The following UBE2K variants were observed in gnomAD, a reference collection of about 807,000 sequenced individuals.
The protein encoded by UBE2K is ubiquitin conjugating enzyme E2 K, also known as ubiquitin-conjugating enzyme E2 K.
A neutral mutation model predicts 30.0 loss-of-function variants in UBE2K; 6 were observed. That is an observed-to-expected ratio of 0.20 (90% CI 0.11 to 0.39). The LOEUF (loss-of-function observed/expected upper bound fraction) is 0.39. UBE2K is among the 10% of genes least tolerant of loss of function. UBE2K has a pLI of 1.00. For missense variants in UBE2K, 61 were observed against 241.6 expected (o/e 0.25, Z 4.96); for synonymous variants, 86 against 83.7 (o/e 1.03, Z -0.15).
rs1003717320 is a variant in UBE2K, at chr4:39,772,448, A to C, written c.300-2386A>C. Among the ~76,000 whole-genome samples, 7 of 150,916 alleles carry C rather than the reference A, an allele frequency of 4.6e-5. 1 individual carries two copies. Among genetic ancestry groups the C allele is most frequent in the Admixed American group, 6.6e-5 (1 of 15,164 alleles). On this transcript the variant is annotated intron_variant, in intron 4 of 6. Coordinates refer to ENST00000261427, the MANE Select transcript of UBE2K (RefSeq NM_005339.5). The stretch of plus-strand genomic sequence containing the variant: ...TAATTAGCTGGGCGTGGTGGTGTGC[A>C]CCTGTAGTCCCAGCTACTCAGGAGG...
intron 1 of UBE2K, among the ~76,000 whole-genome samples, chr4:39,712,981 T>C (rs1282958310): frequency 6.6e-6 from 1 of 151,980 alleles, no homozygotes; most frequent in Non-Finnish European, 1.5e-5. Context: ...TTGTCCTGCC[T>C]CAGCCTGCCA....
Position 39,757,022 on chromosome 4 carries a change from T to G in UBE2K, c.299+1283T>G, listed in dbSNP as rs1467952044. 8.4e-4 allele frequency among the ~76,000 whole-genome samples: 83 copies of G among 99,242 alleles called. 7 individuals carry two copies. The highest frequency in any genetic ancestry group is 3.3e-3 in the African/African-American group (75 of 22,992). The allele number at this position is 99,242 out of a possible 152,430, so 65.1% of individuals were successfully genotyped here. On this transcript the variant is annotated intron_variant, in intron 4 of 6. Transcript: ENST00000261427. The stretch of plus-strand genomic sequence containing the variant: ...GGTGTTTTTTTTTTGTTTTTTGTTT[T>G]TTGTTTTTTGTTTTTTTTTTGAGAC...
intron 4 of UBE2K, among the ~76,000 whole-genome samples, chr4:39,765,095 C>G (rs544820104): frequency 4.6e-5 from 7 of 152,100 alleles, no homozygotes; most frequent in Admixed American, 2.6e-4. Flanking sequence ...CCGTGTTAGC[C>G]AGGATGGTCT....
At chr4:39,728,819 T>C (rs573760639) in intron 1 of UBE2K, among the ~76,000 whole-genome samples, 1 of 120,184 alleles carries the variant, frequency 8.3e-6, no homozygotes, top group African/African-American at 2.8e-5. Context: ...GTTTTTTTTG[T>C]TTTTTTTGTT....
At chr4:39,725,324 G>A (rs1719684513) in intron 1 of UBE2K, among the ~76,000 whole-genome samples, 1 of 138,970 alleles carries the variant, frequency 7.2e-6, no homozygotes, top group Non-Finnish European at 1.5e-5. Context: ...TTTGCAGTGA[G>A]CCATGATCAT....
intron 2 of UBE2K, among the ~76,000 whole-genome samples, chr4:39,745,316 C>T (rs1720934678): frequency 6.6e-6 from 1 of 152,154 alleles, no homozygotes; most frequent in Non-Finnish European, 1.5e-5. Context: ...TTGTTTATGG[C>T]ATAATCTCTG....
rs116823555 is a variant in UBE2K at position 39,754,820 on chromosome 4, T to C, written c.217-837T>C. Among the ~76,000 whole-genome samples, 1,144 of 152,310 alleles carry C rather than the reference T, an allele frequency of 7.5e-3. 14 individuals are homozygous for C. The highest frequency in any genetic ancestry group is 0.026 in the African/African-American group (1,083 of 41,560). On this transcript the variant is annotated intron_variant, in intron 3 of 6. Coordinates refer to ENST00000261427, the MANE Select transcript of UBE2K (RefSeq NM_005339.5). ...TAATTTTTGTGAAGTTCTTAGAACATTAATTGGCACATAGTAATTAATCTA... is the reference window on the plus strand; with the variant it reads ...TAATTTTTGTGAAGTTCTTAGAACACTAATTGGCACATAGTAATTAATCTA...
intron 4 of UBE2K, among the ~76,000 whole-genome samples, chr4:39,758,285 C>T (rs28529766): frequency 0.019 from 2,867 of 152,278 alleles, 101 homozygotes; most frequent in African/African-American, 0.065. Context: ...CTTTTCCAAA[C>T]GGATTACCTC....
chr4:39,741,540 G>A (rs551673889), intron 2 of UBE2K, among the ~76,000 whole-genome samples: 3 of 152,292 alleles, frequency 2.0e-5, no homozygotes, highest in African/African-American at 7.2e-5. Context: ...AAACTTAAAT[G>A]CTAAAGCAAA....
intron 4 of UBE2K, among the ~76,000 whole-genome samples, chr4:39,765,908 T>TATAC (rs146565301): frequency 0.41 from 61,409 of 149,572 alleles, 12,793 homozygotes; most frequent in Admixed American, 0.51. Flanking sequence ...AGGATATATA[T>TATAC]ATACATACAT....
At chr4:39,760,820 C>G (rs569030695) in intron 4 of UBE2K, among the ~76,000 whole-genome samples, 1 of 151,782 alleles carries the variant, frequency 6.6e-6, no homozygotes, top group East Asian at 1.9e-4. Flanking sequence ...TAAAAAAATA[C>G]GATAGTGGTG....
At chr4:39,719,161 T>G (rs562068019) in intron 1 of UBE2K, among the ~76,000 whole-genome samples, 1 of 152,346 alleles carries the variant, frequency 6.6e-6, no homozygotes, top group South Asian at 2.1e-4. Context: ...CCCTCAAACC[T>G]TCAGCAATAC....
chr4:39,699,047 T>A (rs914988435), intron 1 of UBE2K, among the ~76,000 whole-genome samples: 1 of 152,180 alleles, frequency 6.6e-6, no homozygotes, highest in African/African-American at 2.4e-5. Flanking sequence ...AAGATAATTA[T>A]CTCTTTTCCA....
intron 4 of UBE2K, among the ~76,000 whole-genome samples, chr4:39,768,853 G>T (rs554955209): frequency 6.4e-4 from 97 of 152,080 alleles, no homozygotes; most frequent in African/African-American, 2.3e-3. Flanking sequence ...TCTCATTTTG[G>T]TTTGTTTTTT....
intron 4 of UBE2K, among the ~76,000 whole-genome samples, chr4:39,760,190 A>C (rs1285521782): frequency 1.4e-5 from 1 of 71,108 alleles, no homozygotes; most frequent in East Asian, 6.4e-4. Flanking sequence ...AAAAAAAAAA[A>C]AACAGAAAAA....
At chr4:39,737,223 C>T (rs987411307) in intron 1 of UBE2K, among the ~76,000 whole-genome samples, 197 bp from the exon 2 acceptor site, 3 of 152,080 alleles carry the variant, frequency 2.0e-5, no homozygotes, top group African/African-American at 4.8e-5. Flanking sequence ...TCGTTTAAAA[C>T]AATGAAGTTA....
chr4:39,777,233 A>G (rs1291507001), intron 5 of UBE2K, among the ~76,000 whole-genome samples: 1 of 152,222 alleles, frequency 6.6e-6, no homozygotes, highest in Non-Finnish European at 1.5e-5. Context: ...GCTGTAAGAA[A>G]ACAGAAGAAT....
At chr4:39,762,292 C>T (rs2109388404) in intron 4 of UBE2K, among the ~76,000 whole-genome samples, 1 of 152,080 alleles carries the variant, frequency 6.6e-6, no homozygotes, top group East Asian at 1.9e-4. Flanking sequence ...AAGCACCTGG[C>T]CTCAAGTGAT....
intron 1 of UBE2K, among the ~76,000 whole-genome samples, chr4:39,736,634 TATC>T (rs1188929163): frequency 6.6e-6 from 1 of 152,250 alleles, no homozygotes; most frequent in Non-Finnish European, 1.5e-5. Context: ...CATTTAAGGT[TATC>T]ATGGCTCTGA....
Sources: allele counts gnomAD v4.1 joint callset (sites outside exome capture counted in the v4.1 genomes callset), GRCh38; gene constraint gnomAD v4.1.1; transcripts MANE v1.5; gene names NCBI Gene and HGNC (gene_info 2026-07-23, HGNC 2026-07-21).